EPM2A: variants seen among roughly 807,000 people sequenced by gnomAD.
The protein encoded by EPM2A is EPM2A glucan phosphatase, laforin, also known as laforin.
Under a neutral mutation model 26.5 loss-of-function variants are expected in EPM2A, and 21 were observed. That is an observed-to-expected ratio of 0.79 (90% CI 0.56 to 1.14). The LOEUF (loss-of-function observed/expected upper bound fraction) is 1.14. Ranked by LOEUF, EPM2A falls within the 50% of genes most tolerant of loss-of-function variation. The probability of loss-of-function intolerance (pLI) is 0.00; values close to 1 mark genes in which losing one functional copy is unlikely to be tolerated. For synonymous variants in EPM2A, 217 were observed against 177.6 expected, an observed-to-expected ratio of 1.22 and a Z score of -1.76; for missense variants, 458 against 440.8, an observed-to-expected ratio of 1.04 and a Z score of -0.35.
At chr6:145,383,468 C>G (rs1467989085) in exon 5 of EPM2A, 4 of 152,174 alleles carry the variant, frequency 2.6e-5, no homozygotes, top group East Asian at 1.9e-4. Context: ...ATGGTGGAAG[C>G]AAAGGGGAAG....
At chr6:145,587,025 T>C (rs926223646) in intron 2 of EPM2A, among the ~76,000 whole-genome samples, 4 of 152,220 alleles carry the variant, frequency 2.6e-5, no homozygotes, top group Admixed American at 6.5e-5. Context: ...TATGACCTCA[T>C]TGAAATGTTT....
chr6:145,720,008 T>C (rs1275931450), intron 1 of EPM2A, among the ~76,000 whole-genome samples: 1 of 152,212 alleles, frequency 6.6e-6, no homozygotes, highest in Non-Finnish European at 1.5e-5. Context: ...TTTTTAGTGT[T>C]TTTTTATGTT....
rs764411572 is a variant in EPM2A at position 145,627,387 on chromosome 6, T to C, written c.*29A>G. 33 of 1,613,278 alleles carry C rather than the reference T, an allele frequency of 2.0e-5. 1 individual carries two copies. The South Asian group carries it at 3.3e-4, about 16-fold the overall frequency. On this transcript the variant is annotated 3_prime_UTR_variant, in exon 4 of 4. Transcript: ENST00000367519. ...CATCATCCCAGGCTCCTTAGGGAAA[T>C]CAGGAGGGGGCAGAAGCAGGCTGAC...
chr6:145,392,385 C>A (rs1778350041), intron 4 of EPM2A, among the ~76,000 whole-genome samples: 1 of 152,112 alleles, frequency 6.6e-6, no homozygotes, highest in Non-Finnish European at 1.5e-5. Flanking sequence ...GAGTTAGATT[C>A]CAACCTTGAG....
chr6:145,479,549 A>G (rs938920630), intron 4 of EPM2A, among the ~76,000 whole-genome samples: 2 of 151,890 alleles, frequency 1.3e-5, no homozygotes, highest in Non-Finnish European at 2.9e-5. Context: ...TGATAGACTT[A>G]TTTCACTTAG....
intron 2 of EPM2A, among the ~76,000 whole-genome samples, chr6:145,680,672 G>C (rs1268319262): frequency 6.6e-6 from 1 of 151,932 alleles, no homozygotes; most frequent in African/African-American, 2.4e-5. Flanking sequence ...ATACTTTGCT[G>C]AGAATGATGG....
chr6:145,702,435 A>C (rs1328303989), intron 1 of EPM2A, among the ~76,000 whole-genome samples: 2 of 152,084 alleles, frequency 1.3e-5, no homozygotes, highest in Non-Finnish European at 2.9e-5. Context: ...TGAGAAAATC[A>C]TTTAAGCAAA....
intron 2 of EPM2A, among the ~76,000 whole-genome samples, chr6:145,611,391 T>A (rs948276376): frequency 6.6e-6 from 1 of 151,940 alleles, no homozygotes; most frequent in African/African-American, 2.4e-5. Flanking sequence ...CTTTGCCTAG[T>A]TGGTTTCATA....
At chr6:145,652,254 T>C (rs2128579205) in intron 2 of EPM2A, among the ~76,000 whole-genome samples, 1 of 152,324 alleles carries the variant, frequency 6.6e-6, no homozygotes, top group East Asian at 1.9e-4. Flanking sequence ...ACATTAAATT[T>C]AGGTGGATCT....
At chr6:145,705,053 A>G (rs1562505990) in intron 1 of EPM2A, among the ~76,000 whole-genome samples, 1 of 152,334 alleles carries the variant, frequency 6.6e-6, no homozygotes, top group African/African-American at 2.4e-5. Context: ...TCAAGTTCAT[A>G]TATTTATCAA....
rs186926468 is a variant in EPM2A at position 145,697,911 on chromosome 6, A to C, written c.302-11615T>G. ...ATCACAGGGTCCTGAGGCGACATACATCCTCCTCAGCTTACGAAGATGATG... is the reference window on the plus strand; with the variant it reads ...ATCACAGGGTCCTGAGGCGACATACCTCCTCCTCAGCTTACGAAGATGATG... On this transcript the variant is annotated intron_variant, in intron 1 of 3. Transcript: ENST00000367519. Among the ~76,000 whole-genome samples, 602 of 152,268 alleles carry C rather than the reference A, an allele frequency of 4.0e-3. 6 individuals carry two copies. The highest frequency in any genetic ancestry group is 0.014 in the African/African-American group (582 of 41,554).
chr6:145,718,303 G>A (rs6935787), intron 1 of EPM2A, among the ~76,000 whole-genome samples: 9,147 of 144,950 alleles, frequency 0.063, 1,025 homozygotes, highest in African/African-American at 0.22. Flanking sequence ...AGAGGCCTCA[G>A]AAATAACGCC....
At chr6:145,592,685 G>A (rs9322030) in intron 2 of EPM2A, among the ~76,000 whole-genome samples, 68,321 of 151,802 alleles carry the variant, frequency 0.45, 16,105 homozygotes, top group African/African-American at 0.57. Flanking sequence ...AACTGGTGTG[G>A]GATGGTATCT....
At position 145,405,372 on chromosome 6, in the gene EPM2A, G is replaced by A. The variant is rs144125914; in HGVS notation, c.556-21275C>T. Among the ~76,000 whole-genome samples, 6 of 152,078 alleles carry A rather than the reference G, an allele frequency of 3.9e-5. No homozygotes were observed. The South Asian group carries it at 6.2e-4, about 16-fold the overall frequency. On this transcript the variant is annotated intron_variant, in intron 4 of 4. Transcript: ENST00000638717. Reference sequence around the variant, plus strand: ...CGTGTCTGCTGTGGCTGCCGGTTACGTCATATAATTACCAGACAGTCCTTT... The same window carrying A: ...CGTGTCTGCTGTGGCTGCCGGTTACATCATATAATTACCAGACAGTCCTTT...
chr6:145,519,111 A>G (rs753611190), intron 2 of EPM2A, among the ~76,000 whole-genome samples: 4 of 152,200 alleles, frequency 2.6e-5, no homozygotes, highest in Non-Finnish European at 5.9e-5. Context: ...TACTTTATAA[A>G]TGTCATAAGG....
chr6:145,537,159 T>C (rs1780443251), intron 2 of EPM2A, among the ~76,000 whole-genome samples: 1 of 152,204 alleles, frequency 6.6e-6, no homozygotes, highest in East Asian at 1.9e-4. Context: ...GAGATAGCAG[T>C]TTAACTCTCT....
At chr6:145,665,015 T>C (rs1437953406) in intron 2 of EPM2A, among the ~76,000 whole-genome samples, 52 of 105,380 alleles carry the variant, frequency 4.9e-4, no homozygotes, top group African/African-American at 1.9e-3. Context: ...TTCAAAGCAG[T>C]GTGTAGAGGG....
chr6:145,393,070 T>G (rs1778358758), intron 4 of EPM2A, among the ~76,000 whole-genome samples: 1 of 152,164 alleles, frequency 6.6e-6, no homozygotes, highest in Non-Finnish European at 1.5e-5. Flanking sequence ...ACTCATTTTT[T>G]CTTTCAGGTC....
In EPM2A at chr6:145,675,409, T is replaced by C. The variant is rs1053822833; in HGVS notation, c.476+10713A>G. Among the ~76,000 whole-genome samples, 3 of 152,188 alleles carry C rather than the reference T, an allele frequency of 2.0e-5. No homozygotes were observed. The East Asian group carries it at 5.8e-4, about 29-fold the overall frequency. ...GCAAAATAACCAGCTAACATCATAA[T>C]GACAGGATCAAATTCATACATAGCA... is the stretch of plus-strand genomic sequence containing the variant. On this transcript the variant is annotated intron_variant, in intron 2 of 3. Transcript: ENST00000367519.
Sources: allele counts gnomAD v4.1 joint callset (sites outside exome capture counted in the v4.1 genomes callset), GRCh38; gene constraint gnomAD v4.1.1; transcripts MANE v1.5; gene names NCBI Gene and HGNC (gene_info 2026-07-23, HGNC 2026-07-21).